The following KIRREL3 variants were observed in gnomAD, a reference collection of about 807,000 sequenced individuals.
The protein encoded by KIRREL3 is kirre like nephrin family adhesion molecule 3.
In KIRREL3, 36 loss-of-function variants were observed where a neutral mutation model predicts 89.7. That is an observed-to-expected ratio of 0.40 (90% CI 0.31 to 0.53). The LOEUF (loss-of-function observed/expected upper bound fraction) is 0.53, where lower values mean the gene tolerates loss of function less well. Among genes scored for constraint, KIRREL3 ranks in the 20% least tolerant of loss-of-function variants. The pLI is 0.49. For synonymous variants in KIRREL3, 445 were observed against 441.4 expected (o/e 1.01, Z -0.10); for missense variants, 864 against 1,056.6 (o/e 0.82, Z 2.53).
At chr11:126,765,982 G>A (rs1831833570) in intron 1 of KIRREL3, among the ~76,000 whole-genome samples, 1 of 152,056 alleles carries the variant, frequency 6.6e-6, no homozygotes, top group Non-Finnish European at 1.5e-5. Flanking sequence ...TCCATCATCA[G>A]CTACCTGAGC....
At chr11:126,603,447 C>A (rs1042309258) in intron 1 of KIRREL3, among the ~76,000 whole-genome samples, 7 of 152,214 alleles carry the variant, frequency 4.6e-5, no homozygotes, top group Admixed American at 4.6e-4. Context: ...GGGGCAGCTG[C>A]AGATGGCACC....
intron 4 of KIRREL3, among the ~76,000 whole-genome samples, chr11:126,503,429 G>A (rs552372213): frequency 4.0e-4 from 61 of 152,264 alleles, no homozygotes; most frequent in Middle Eastern, 3.4e-3. Flanking sequence ...GGTTTCATTT[G>A]TTGAGGGGGA....
At position 126,513,169 on chromosome 11, in the gene KIRREL3, C is replaced by A. The variant is rs1958281420; in HGVS notation, c.433+8146G>T. Among the ~76,000 whole-genome samples the A allele has an allele frequency of 6.6e-6, 1 of 152,166 alleles. No individual in the cohort carries two copies. The highest frequency in any genetic ancestry group is 2.4e-5 in the African/African-American group (1 of 41,424). The stretch of plus-strand genomic sequence containing the variant: ...GGCCAGGCAACAGCAGGAGGCTGAA[C>A]CCCTACCATAAGCAGTAGACCATGA... On this transcript the variant is annotated intron_variant, in intron 4 of 16. Coordinates refer to ENST00000525144, the MANE Select transcript of KIRREL3 (RefSeq NM_032531.4). The surrounding 1 kb of genome is among the most constrained non-coding windows in gnomAD (Gnocchi z 5.9).
intron 1 of KIRREL3, among the ~76,000 whole-genome samples, chr11:126,881,442 G>A (rs10893603): frequency 0.62 from 93,780 of 152,096 alleles, 30,432 homozygotes; most frequent in African/African-American, 0.82. Flanking sequence ...CAAGCCCTGC[G>A]GTACTTTCCT....
At chr11:126,481,847 G>A (rs1443416747) in intron 4 of KIRREL3, among the ~76,000 whole-genome samples, 1 of 152,176 alleles carries the variant, frequency 6.6e-6, no homozygotes, top group African/African-American at 2.4e-5. Context: ...TGTGCTGAAT[G>A]TCTAGCATTC....
chr11:126,923,219 CTTCTTCT>C (rs1947497714), intron 1 of KIRREL3, among the ~76,000 whole-genome samples: 2 of 27,212 alleles, frequency 7.3e-5, no homozygotes, highest in African/African-American at 1.8e-4. Context: ...TCTTCTTCTT[CTTCTTCT>C]TCTTCTTCTT....
rs760379827 is a variant in KIRREL3, at chr11:126,734,961, G to C, written c.56-172049C>G. Among the ~76,000 whole-genome samples the C allele has an allele frequency of 1.3e-5, 2 of 152,324 alleles. No homozygotes were observed. Among genetic ancestry groups the C allele is most frequent in the Middle Eastern group, 3.4e-3 (1 of 292 alleles). ...CTGTGCCTGGCTCCGACCAAGGGCA[G>C]GGTCAATGTGCACTGCCTGCAGCAA... On this transcript the variant is annotated intron_variant, in intron 1 of 16. Coordinates refer to ENST00000525144, the MANE Select transcript of KIRREL3 (RefSeq NM_032531.4). This position sits in a 1 kb window ranked among gnomAD's most constrained non-coding sequence, Gnocchi z 5.9.
chr11:126,827,182 T>TG (rs1480421225), intron 1 of KIRREL3, among the ~76,000 whole-genome samples: 2 of 150,022 alleles, frequency 1.3e-5, no homozygotes, highest in Non-Finnish European at 3.0e-5. Flanking sequence ...AGATTCAGAT[T>TG]TTTTTTTTTT....
rs186005673 is a variant in KIRREL3 at position 126,520,230 on chromosome 11, G to A, written c.433+1085C>T. ...TGCCAGGAGAGGAGGCAGCACCCCAGCTGCTGACCCTGTTGTCGAACCTTC... is the reference window on the plus strand; with the variant it reads ...TGCCAGGAGAGGAGGCAGCACCCCAACTGCTGACCCTGTTGTCGAACCTTC... On this transcript the variant is annotated intron_variant, in intron 4 of 16. Transcript: ENST00000525144. This position sits in a 1 kb window ranked among gnomAD's most constrained non-coding sequence, Gnocchi z 4.9. 6.6e-6 allele frequency among the ~76,000 whole-genome samples: 1 copy of A among 152,366 alleles called. No individual in the cohort carries two copies. The highest frequency in any genetic ancestry group is 6.5e-5 in the Admixed American group (1 of 15,306).
chr11:126,515,309 G>A lies in KIRREL3; in HGVS notation c.433+6006C>T, dbSNP rs1958376027. On this transcript the variant is annotated intron_variant, in intron 4 of 16. Coordinates refer to ENST00000525144, the MANE Select transcript of KIRREL3 (RefSeq NM_032531.4). The surrounding 1 kb of genome is among the most constrained non-coding windows in gnomAD (Gnocchi z 4.2). The stretch of plus-strand genomic sequence containing the variant: ...AAACAAACAAACAAAAATTAGCTGG[G>A]TGAGGTGGTGCATGCCTGTGGTCTC... 6.6e-6 allele frequency among the ~76,000 whole-genome samples: 1 copy of A among 152,144 alleles called. No homozygotes were observed. The highest frequency in any genetic ancestry group is 2.1e-4 in the South Asian group (1 of 4,830).
At chr11:126,911,843 C>T (rs914738712) in intron 1 of KIRREL3, among the ~76,000 whole-genome samples, 2 of 151,920 alleles carry the variant, frequency 1.3e-5, no homozygotes, top group African/African-American at 2.4e-5. Flanking sequence ...ATTAGCCGGG[C>T]GCGGTGGCGG....
Position 126,918,348 on chromosome 11 carries a change from C to T in KIRREL3, c.55+82107G>A, listed in dbSNP as rs775001951. ...CTTTGCCACACCATGGTACCTCCCC[C>T]TGCATTTATTTTGGCAATTTGGTGC... On this transcript the variant is annotated intron_variant, in intron 1 of 16. Coordinates refer to ENST00000525144, the MANE Select transcript of KIRREL3 (RefSeq NM_032531.4). The surrounding 1 kb of genome is among the most constrained non-coding windows in gnomAD (Gnocchi z 6.5). Among the ~76,000 whole-genome samples the T allele has an allele frequency of 6.6e-6, 1 of 152,126 alleles. No individual in the cohort carries two copies. Among genetic ancestry groups the T allele is most frequent in the Non-Finnish European group, 1.5e-5 (1 of 68,020 alleles).
intron 1 of KIRREL3, among the ~76,000 whole-genome samples, chr11:126,933,452 T>C (rs1948043863): frequency 6.6e-6 from 1 of 151,216 alleles, no homozygotes. Context: ...TTTGCATGTT[T>C]TAAAGAATTT....
At chr11:126,950,748 C>T (rs1011648760) in intron 1 of KIRREL3, among the ~76,000 whole-genome samples, 7 of 152,234 alleles carry the variant, frequency 4.6e-5, no homozygotes, top group Admixed American at 4.6e-4. Context: ...CACTCCTAGC[C>T]TGGGGATTCT....
chr11:126,629,764 G>A (rs1203188269), intron 1 of KIRREL3, among the ~76,000 whole-genome samples: 1 of 152,182 alleles, frequency 6.6e-6, no homozygotes. Flanking sequence ...GGCTGGTTGT[G>A]TCTTTTGATT....
rs370648095 is a variant in KIRREL3, at chr11:126,839,727, C to T, written c.55+160728G>A. Among the ~76,000 whole-genome samples the T allele has an allele frequency of 1.2e-3, 184 of 152,264 alleles. 3 individuals are homozygous for T. In the South Asian group the frequency reaches 0.036, roughly 30 times the overall value. On this transcript the variant is annotated intron_variant, in intron 1 of 16. Coordinates refer to ENST00000525144, the MANE Select transcript of KIRREL3 (RefSeq NM_032531.4). ...TCTCCCTGAAACATCCAGGCGGGTT[C>T]CTCTGCTGTCACTGTACAATTTGCA...
At chr11:126,770,145 T>TG (rs916360779) in intron 1 of KIRREL3, among the ~76,000 whole-genome samples, 3 of 151,868 alleles carry the variant, frequency 2.0e-5, no homozygotes, top group African/African-American at 4.8e-5. Context: ...AAGCCTGAGT[T>TG]GGGGGGGAAT....
In KIRREL3 at chr11:126,486,558, T is replaced by G. The variant is rs77675397; in HGVS notation, c.434-13092A>C. 0.055 allele frequency among the ~76,000 whole-genome samples: 8,442 copies of G among 152,144 alleles called. 276 individuals carry two copies. Among genetic ancestry groups the G allele is most frequent in the African/African-American group, 0.085 (3,537 of 41,498 alleles). ...GTTTCGACCTTAACCTGATTTGGGGTCTCTTTTGCTCAACACAGCTGGGTT... is the reference window on the plus strand; with the variant it reads ...GTTTCGACCTTAACCTGATTTGGGGGCTCTTTTGCTCAACACAGCTGGGTT... On this transcript the variant is annotated intron_variant, in intron 4 of 16. Coordinates refer to ENST00000525144, the MANE Select transcript of KIRREL3 (RefSeq NM_032531.4). This position sits in a 1 kb window ranked among gnomAD's most constrained non-coding sequence, Gnocchi z 6.2.
chr11:126,772,755 C>T lies in KIRREL3; in HGVS notation c.56-209843G>A, dbSNP rs1950056493. On this transcript the variant is annotated intron_variant, in intron 1 of 16. Coordinates refer to ENST00000525144, the MANE Select transcript of KIRREL3 (RefSeq NM_032531.4). The surrounding 1 kb of genome is among the most constrained non-coding windows in gnomAD (Gnocchi z 4.6). The stretch of plus-strand genomic sequence containing the variant: ...TCACTGCAGCCTCTGGGGGTGCCAT[C>T]GTGGTGCCTTCTGCTTCCTCCTGCC... 1.3e-5 allele frequency among the ~76,000 whole-genome samples: 2 copies of T among 152,332 alleles called. No homozygotes were observed. Among genetic ancestry groups the T allele is most frequent in the Admixed American group, 6.5e-5 (1 of 15,310 alleles).
Sources: allele counts gnomAD v4.1 joint callset (sites outside exome capture counted in the v4.1 genomes callset), GRCh38; gene constraint gnomAD v4.1.1; non-coding constraint Gnocchi (gnomAD v3.1); transcripts MANE v1.5; gene names NCBI Gene and HGNC (gene_info 2026-07-23, HGNC 2026-07-21).